The following KALRN variants were observed in gnomAD, a reference collection of about 807,000 sequenced individuals.
KALRN encodes kalirin.
Under a neutral mutation model 353.7 loss-of-function variants are expected in KALRN, and 70 were observed. The observed-to-expected ratio is 0.20, with a 90% CI of 0.16 to 0.24. The LOEUF is 0.24. KALRN is among the 10% of genes least tolerant of loss of function. The pLI is 1.00. For missense variants in KALRN, 2,791 were observed against 3,756.7 expected (o/e 0.74, Z 6.72); for synonymous variants, 1,391 against 1,434.8 (o/e 0.97, Z 0.69).
chr3:124,602,824 G>A (rs141740734), intron 34 of KALRN, among the ~76,000 whole-genome samples: 2 of 152,324 alleles, frequency 1.3e-5, no homozygotes, highest in East Asian at 3.9e-4. Flanking sequence ...TTTCACAAAT[G>A]ACAAAGCTGA....
At chr3:124,184,339 A>G (rs1338169032) in intron 1 of KALRN, among the ~76,000 whole-genome samples, 5 of 152,220 alleles carry the variant, frequency 3.3e-5, no homozygotes, top group African/African-American at 1.2e-4. Context: ...GCTTAGAAGA[A>G]TGTAAGTATT....
chr3:124,691,401 C>A (rs1040830962), intron 51 of KALRN, among the ~76,000 whole-genome samples: 2 of 152,092 alleles, frequency 1.3e-5, no homozygotes, highest in East Asian at 3.9e-4. Flanking sequence ...GTACTCCAGC[C>A]CGGGCAAGAA....
intron 1 of KALRN, among the ~76,000 whole-genome samples, chr3:124,136,589 G>T (rs1249489836): frequency 1.3e-5 from 2 of 152,186 alleles, no homozygotes; most frequent in Non-Finnish European, 2.9e-5. Flanking sequence ...AGGTGGGCCT[G>T]CCTGTCTACT....
At chr3:124,395,953 A>G (rs2090107220) in intron 12 of KALRN, among the ~76,000 whole-genome samples, 1 of 152,252 alleles carries the variant, frequency 6.6e-6, no homozygotes, top group Admixed American at 6.5e-5. Flanking sequence ...TCATTTGTTT[A>G]GAATTACCCA....
At chr3:124,309,066 A>T (rs945008996) in intron 6 of KALRN, among the ~76,000 whole-genome samples, 1 of 152,198 alleles carries the variant, frequency 6.6e-6, no homozygotes, top group Admixed American at 6.5e-5. Context: ...AAATTCATAG[A>T]AAGGTAGTAA....
intron 1 of KALRN, among the ~76,000 whole-genome samples, chr3:124,184,316 A>T (rs191817165): frequency 2.0e-5 from 3 of 152,368 alleles, no homozygotes; most frequent in African/African-American, 7.2e-5. Flanking sequence ...GGATGAATTA[A>T]TATGGTTGAA....
chr3:124,048,592 C>T (rs2040738420), intron 1 of KALRN, among the ~76,000 whole-genome samples: 1 of 152,260 alleles, frequency 6.6e-6, no homozygotes, highest in South Asian at 2.1e-4. Flanking sequence ...CACCATTCTC[C>T]TGCCTCAGCC....
intron 1 of KALRN, among the ~76,000 whole-genome samples, chr3:124,068,330 T>G (rs1213453578): frequency 1.3e-5 from 2 of 152,192 alleles, no homozygotes; most frequent in Admixed American, 1.3e-4. Context: ...GGTAGCATCC[T>G]CTGTGACATC....
chr3:124,357,270 C>A (rs2083522436), intron 10 of KALRN, among the ~76,000 whole-genome samples: 1 of 152,204 alleles, frequency 6.6e-6, no homozygotes, highest in Non-Finnish European at 1.5e-5. Context: ...TGGAATACTG[C>A]AATATCCTTC....
rs1553707032 is a variant in KALRN at position 124,642,806 on chromosome 3, G to GTTTTTTTGTTGTTGTTGTTTTTTTTT, written c.5664+5510_5664+5511insGTTGTTGTTGTTTTTTTTTTTTTTTT. ...TCTGTGGAAGAGATTCCCAAGCCTC[G>GTTTTTTTGTTGTTGTTGTTTTTTTTT]TTTTTTTTTTTTTTTTTTTTGAGAC... On this transcript the variant is annotated intron_variant, in intron 37 of 59. Transcript: ENST00000682506. Among the ~76,000 whole-genome samples the GTTTTTTTGTTGTTGTTGTTTTTTTTT allele has an allele frequency of 6.3e-3, 609 of 96,770 alleles. 32 individuals are homozygous for GTTTTTTTGTTGTTGTTGTTTTTTTTT. Among genetic ancestry groups the GTTTTTTTGTTGTTGTTGTTTTTTTTT allele is most frequent in the Admixed American group, 9.2e-3 (73 of 7,910 alleles). The allele number at this position is 96,770 out of a possible 152,430, so 63.5% of individuals were successfully genotyped here.
intron 19 of KALRN, among the ~76,000 whole-genome samples, chr3:124,443,132 C>G (rs1469915059): frequency 6.6e-6 from 1 of 152,160 alleles, no homozygotes; most frequent in Non-Finnish European, 1.5e-5. Flanking sequence ...TCTCCGAATT[C>G]TAGAAAGTCT....
At chr3:124,231,980 G>T (rs2079211030) in intron 2 of KALRN, among the ~76,000 whole-genome samples, 1 of 152,182 alleles carries the variant, frequency 6.6e-6, no homozygotes, top group East Asian at 1.9e-4. Context: ...GCACGTCCAA[G>T]ATCTTGACCC....
chr3:124,386,698 C>T (rs983160941), intron 11 of KALRN, among the ~76,000 whole-genome samples: 3 of 152,136 alleles, frequency 2.0e-5, no homozygotes, highest in Non-Finnish European at 4.4e-5. Context: ...TTCTTCTCTT[C>T]TTCTTTATTT....
chr3:124,371,670 G>A (rs1367287462), intron 10 of KALRN, among the ~76,000 whole-genome samples: 1 of 151,614 alleles, frequency 6.6e-6, no homozygotes, highest in African/African-American at 2.4e-5. Context: ...ATTTTTTGTG[G>A]GTACATATTG....
intron 15 of KALRN, among the ~76,000 whole-genome samples, chr3:124,423,762 T>C (rs1200424766): frequency 6.6e-6 from 1 of 152,130 alleles, no homozygotes; most frequent in African/African-American, 2.4e-5. Flanking sequence ...TCCCAGCTAA[T>C]TGGGAGGCTA....
chr3:124,162,366 G>A (rs546352425), intron 1 of KALRN: 14 of 152,230 alleles, frequency 9.2e-5, no homozygotes, highest in African/African-American at 2.6e-4. Context: ...TGTGGGAGTT[G>A]GAAGGAACTT....
chr3:124,611,867 T>A (rs1456669461), intron 34 of KALRN, among the ~76,000 whole-genome samples: 1 of 152,252 alleles, frequency 6.6e-6, no homozygotes, highest in Non-Finnish European at 1.5e-5. Flanking sequence ...TTCTGCATAG[T>A]CTATGACCTT....
chr3:124,283,688 T>C (rs536191430), intron 5 of KALRN, among the ~76,000 whole-genome samples: 6 of 152,344 alleles, frequency 3.9e-5, no homozygotes, highest in Admixed American at 2.0e-4. Context: ...ATATTTATAT[T>C]AATGACTTGG....
intron 33 of KALRN, among the ~76,000 whole-genome samples, chr3:124,551,407 C>T (rs964621794): frequency 2.0e-5 from 3 of 152,182 alleles, no homozygotes; most frequent in Admixed American, 6.5e-5. Flanking sequence ...GAACCCTTTC[C>T]GTTGCTGATA....
Sources: gnomAD v4.1 joint callset for allele counts (sites outside exome capture counted in the v4.1 genomes callset) on GRCh38, gnomAD v4.1.1 for gene constraint, MANE v1.5 for transcripts, NCBI Gene and HGNC (gene_info 2026-07-23, HGNC 2026-07-21) for gene names.